Variants in NIM1K observed in about 807,000 individuals in gnomAD.
NIM1K encodes serine/threonine-protein kinase NIM1.
Under a neutral mutation model 37.1 loss-of-function variants are expected in NIM1K, and 35 were observed. That is an observed-to-expected ratio of 0.94 (90% CI 0.72 to 1.25). The LOEUF (loss-of-function observed/expected upper bound fraction) is 1.25, where lower values mean the gene tolerates loss of function less well. NIM1K is among the 50% of genes most tolerant of loss of function. The pLI is 0.00. For missense variants in NIM1K, 564 were observed against 548.0 expected (o/e 1.03, Z -0.29); for synonymous variants, 234 against 206.6 (o/e 1.13, Z -1.14).
intron 2 of NIM1K, among the ~76,000 whole-genome samples, chr5:43,268,052 A>C (rs1305568701): frequency 2.0e-5 from 3 of 152,146 alleles, no homozygotes; most frequent in Non-Finnish European, 4.4e-5. Flanking sequence ...GGGGTGTTGA[A>C]GTATCCCACT....
chr5:43,201,987 AAAAG>A (rs1187783300), intron 1 of NIM1K, among the ~76,000 whole-genome samples: 2 of 151,970 alleles, frequency 1.3e-5, no homozygotes, highest in Non-Finnish European at 2.9e-5. Flanking sequence ...AAAAAAAAAA[AAAAG>A]AAAGATATTT....
intron 1 of NIM1K, among the ~76,000 whole-genome samples, chr5:43,208,345 C>A (rs1168790519): frequency 1.3e-5 from 2 of 152,068 alleles, no homozygotes; most frequent in African/African-American, 4.8e-5. Context: ...TGGCTCATGC[C>A]TGTAATCCCA....
In NIM1K at chr5:43,245,815, C is replaced by T. The variant is rs775563544; in HGVS notation, c.40C>T (p.Pro14Ser). Residue 14 changes from proline (P) to serine (S), a missense_variant, in exon 2 of 4, where the codon CCC becomes TCC. Pro to Ser is a moderately conservative substitution (Grantham distance 74). Transcript: ENST00000326035. ...VYMNGGGLVN[P>S]HYARWDRRDS... ...TATGAATGGAGGTGGCCTGGTGAAC[C>T]CCCACTATGCCCGGTGGGATCGGCG... 6.2e-6 allele frequency: 10 copies of T among 1,611,944 alleles called. No homozygotes were observed. The Admixed American group carries it at 1.2e-4, about 19-fold the overall frequency.
At chr5:43,263,599 G>T (rs1171061123) in intron 2 of NIM1K, among the ~76,000 whole-genome samples, 5 of 150,246 alleles carry the variant, frequency 3.3e-5, no homozygotes, top group East Asian at 1.9e-4. Flanking sequence ...TTTTTTAAGG[G>T]TTTTTGGTGT....
chr5:43,205,089 C>G (rs1382578692), intron 1 of NIM1K, among the ~76,000 whole-genome samples: 1 of 152,192 alleles, frequency 6.6e-6, no homozygotes, highest in African/African-American at 2.4e-5. Context: ...GCTACTGTCA[C>G]TGACTTATGC....
intron 2 of NIM1K, among the ~76,000 whole-genome samples, chr5:43,252,962 T>TTTCC (rs1485183480): frequency 6.6e-6 from 1 of 150,920 alleles, no homozygotes; most frequent in South Asian, 2.1e-4. Flanking sequence ...TAATTCATTC[T>TTTCC]TTCCTTCCTT....
chr5:43,236,248 G>C (rs1752619917), intron 1 of NIM1K, among the ~76,000 whole-genome samples: 1 of 151,950 alleles, frequency 6.6e-6, no homozygotes, highest in African/African-American at 2.4e-5. Flanking sequence ...GCTTGGGTGA[G>C]AGTGAGATCC....
intron 1 of NIM1K, among the ~76,000 whole-genome samples, chr5:43,234,157 G>T (rs1752582665): frequency 6.6e-6 from 1 of 152,114 alleles, no homozygotes; most frequent in Non-Finnish European, 1.5e-5. Flanking sequence ...AACTTCAGAT[G>T]GCCTTAGTTT....
chr5:43,253,228 G>GAATATAA (rs1752895598), intron 2 of NIM1K, among the ~76,000 whole-genome samples: 3 of 146,224 alleles, frequency 2.1e-5, no homozygotes, highest in Non-Finnish European at 4.5e-5. Flanking sequence ...GTGTGTGTGT[G>GAATATAA]TGTGTGTGTG....
At chr5:43,224,968 ACAGGCCTAAGC>A (rs1466252328) in intron 1 of NIM1K, among the ~76,000 whole-genome samples, 3 of 152,328 alleles carry the variant, frequency 2.0e-5, no homozygotes, top group Admixed American at 2.0e-4. Context: ...TGCCGGGATT[ACAGGCCTAAGC>A]CATTGCGCCT....
intron 1 of NIM1K, among the ~76,000 whole-genome samples, chr5:43,227,313 T>C (rs1163997168): frequency 1.3e-5 from 2 of 152,100 alleles, no homozygotes; most frequent in African/African-American, 2.4e-5. Flanking sequence ...TGAGCCGAGA[T>C]TGCGCCATTG....
At chr5:43,204,773 G>A (rs1752084642) in intron 1 of NIM1K, among the ~76,000 whole-genome samples, 1 of 151,772 alleles carries the variant, frequency 6.6e-6, no homozygotes, top group Non-Finnish European at 1.5e-5. Context: ...TTGGGAGGCT[G>A]AGGCGGGTGG....
chr5:43,263,945 T>G (rs1045450416), intron 2 of NIM1K, among the ~76,000 whole-genome samples: 5 of 152,254 alleles, frequency 3.3e-5, no homozygotes, highest in African/African-American at 1.2e-4. Flanking sequence ...GTGAGTTTCT[T>G]AATCCTGAGT....
At position 43,279,964 on chromosome 5, in the gene NIM1K, A is replaced by G; in HGVS notation, c.562-16A>G. 3.1e-6 allele frequency: 5 copies of G among 1,592,322 alleles called. No individual in the cohort carries two copies. The highest frequency in any genetic ancestry group is 4.3e-6 in the Non-Finnish European group (5 of 1,164,388). On this transcript the variant is annotated splice_polypyrimidine_tract_variant and intron_variant, in intron 3 of 3. Coordinates refer to ENST00000326035, the MANE Select transcript of NIM1K (RefSeq NM_153361.4). Reference sequence around the variant, plus strand: ...TTTACTGTAAAAATGACTTTTCTCTATGTCTTCTTCCACAGCATGAAAACC... The same window carrying G: ...TTTACTGTAAAAATGACTTTTCTCTGTGTCTTCTTCCACAGCATGAAAACC...
At chr5:43,208,756 C>CT (rs1463344279) in intron 1 of NIM1K, among the ~76,000 whole-genome samples, 4 of 152,168 alleles carry the variant, frequency 2.6e-5, no homozygotes, top group Admixed American at 6.5e-5. Flanking sequence ...GATCTCAGAA[C>CT]TTTCCTTGAG....
At chr5:43,199,042 G>T (rs1751977540) in intron 1 of NIM1K, among the ~76,000 whole-genome samples, 1 of 151,272 alleles carries the variant, frequency 6.6e-6, no homozygotes, top group Non-Finnish European at 1.5e-5. Context: ...TACAAAATTA[G>T]CTGGGCATGG....
At chr5:43,228,399 G>C (rs186579310) in intron 1 of NIM1K, among the ~76,000 whole-genome samples, 1,596 of 152,182 alleles carry the variant, frequency 0.01, 33 homozygotes, top group African/African-American at 0.036. Context: ...GCCCACCTCA[G>C]CCTCCCAAAG....
intron 2 of NIM1K, among the ~76,000 whole-genome samples, chr5:43,264,759 T>C (rs370477912): frequency 6.6e-6 from 1 of 152,186 alleles, no homozygotes; most frequent in Non-Finnish European, 1.5e-5. Context: ...TGGCTGGTAC[T>C]GGTTGTTCCT....
intron 1 of NIM1K, among the ~76,000 whole-genome samples, chr5:43,196,474 A>C (rs998462950): frequency 5.5e-5 from 6 of 108,692 alleles, no homozygotes; most frequent in African/African-American, 1.4e-4. Flanking sequence ...TAAATATACA[A>C]AAAAAAAAAA....
Sources: allele counts gnomAD v4.1 joint callset (sites outside exome capture counted in the v4.1 genomes callset), GRCh38; gene constraint gnomAD v4.1.1; transcripts MANE v1.5; gene names NCBI Gene and HGNC (gene_info 2026-07-23, HGNC 2026-07-21).